ZC3H4: variants seen among roughly 807,000 people sequenced by gnomAD.
ZC3H4 encodes the protein zinc finger CCCH domain-containing protein 4.
In ZC3H4, 13 loss-of-function variants were observed where a neutral mutation model predicts 108.3. The ratio of observed to expected loss-of-function variants is 0.12; its 90% CI spans 0.08 to 0.19. ZC3H4 has a LOEUF of 0.19. Ranked by LOEUF, ZC3H4 falls within the 10% of genes least tolerant of loss-of-function variation. The pLI, the probability that ZC3H4 is intolerant of heterozygous loss-of-function variation, is 1.00. For missense variants in ZC3H4, 1,734 were observed against 1,838.8 expected, an observed-to-expected ratio of 0.94 and a Z score of 1.04; for synonymous variants, 917 against 749.6, an observed-to-expected ratio of 1.22 and a Z score of -3.65.
Position 47,067,607 on chromosome 19 carries a change from G to A in ZC3H4, c.2661C>T (p.Pro887=). 6 of 1,606,554 alleles carry A rather than the reference G, an allele frequency of 3.7e-6. No individual in the cohort carries two copies. Among genetic ancestry groups the A allele is most frequent in the South Asian group, 1.1e-5 (1 of 90,594 alleles). ...SGGSGPGDSG[P]SDPRLARALP... is the part of the protein sequence containing the mutation. The stretch of plus-strand genomic sequence containing the variant: ...GGGCGCGAGCCAGCCGAGGATCGGA[G>A]GGTCCCGAATCACCTGGGCCAGACC... The change falls in exon 15 of 15, where the codon CCC becomes CCT. Residue 887 remains proline (P), a synonymous_variant. Coordinates refer to ENST00000253048, the MANE Select transcript of ZC3H4 (RefSeq NM_015168.2). The surrounding 1 kb of genome is among the most constrained non-coding windows in gnomAD (Gnocchi z 6.4).
intron 2 of ZC3H4, among the ~76,000 whole-genome samples, chr19:47,110,271 A>G (rs1481293286): frequency 6.6e-6 from 1 of 152,194 alleles, no homozygotes; most frequent in East Asian, 1.9e-4. Flanking sequence ...AAATCCAGTA[A>G]GCTTGTCTCC....
rs779513159 is a variant in ZC3H4 at position 47,072,504 on chromosome 19, T to TGGGGGAGGGGGA, written c.1638_1649dup (p.Pro549_Pro552dup). 6.0e-6 allele frequency: 1 copy of TGGGGGAGGGGGA among 165,418 alleles called. No individual in the cohort carries two copies. The highest frequency in any genetic ancestry group is 4.0e-4 in the Admixed American group (1 of 2,496). The allele number at this position is 165,418 out of a possible 1,614,324, so 10.2% of individuals were successfully genotyped here. On this transcript the variant is annotated inframe_insertion, in exon 12 of 15. Coordinates refer to ENST00000253048, the MANE Select transcript of ZC3H4 (RefSeq NM_015168.2). This position sits in a 1 kb window ranked among gnomAD's most constrained non-coding sequence, Gnocchi z 5.6. ...TGGGCATCTGAGGGGGCCCGGGCGG[T>TGGGGGAGGGGGA]GGGGGAGGGGGAGGGGGCGGGGGCG...
intron 14 of ZC3H4, among the ~76,000 whole-genome samples, chr19:47,068,201 T>C (rs1164594073): frequency 2.0e-5 from 3 of 152,234 alleles, no homozygotes; most frequent in African/African-American, 4.8e-5. Flanking sequence ...TGCCGTTACA[T>C]TGGAGTCAGG....
At chr19:47,085,886 CAG>C (rs2057611766) in intron 6 of ZC3H4, among the ~76,000 whole-genome samples, 1 of 152,110 alleles carries the variant, frequency 6.6e-6, no homozygotes, top group African/African-American at 2.4e-5. Context: ...TTTTTTGAGA[CAG>C]AGTCTTGCTC....
rs936736794 is a variant in ZC3H4 at position 47,073,273 on chromosome 19, AAAAT to A, written c.1441-564_1441-561del. Among the ~76,000 whole-genome samples, 56 of 152,200 alleles carry A rather than the reference AAAAT, an allele frequency of 3.7e-4. 1 individual carries two copies. Among genetic ancestry groups the A allele is most frequent in the African/African-American group, 1.2e-3 (51 of 41,544 alleles). On this transcript the variant is annotated intron_variant, in intron 11 of 14. Coordinates refer to ENST00000253048, the MANE Select transcript of ZC3H4 (RefSeq NM_015168.2). ...GGACAACAGAGGAGACTCTGTCTCA[AAAAT>A]AAATAAATAATGCCAGACGTGGTGG...
intron 2 of ZC3H4, among the ~76,000 whole-genome samples, chr19:47,103,761 CTA>C (rs2057933425): frequency 1.7e-5 from 1 of 60,000 alleles, no homozygotes; most frequent in Non-Finnish European, 3.9e-5. Context: ...CCCGTCTCTA[CTA>C]AAAAAAAAAA....
intron 11 of ZC3H4, among the ~76,000 whole-genome samples, chr19:47,073,599 G>A (rs974775748): frequency 2.0e-5 from 3 of 152,122 alleles, no homozygotes; most frequent in African/African-American, 4.8e-5. Context: ...CAAAGTGAAC[G>A]ATGCAGTGGC....
intron 9 of ZC3H4, 41 bp downstream of exon 9, chr19:47,084,304 C>T: frequency 1.3e-6 from 2 of 1,581,078 alleles, no homozygotes; most frequent in Non-Finnish European, 1.7e-6. Flanking sequence ...CCTCTGGGGG[C>T]TATGGCCTCC....
chr19:47,090,636 C>T (rs1180029444), intron 4 of ZC3H4, among the ~76,000 whole-genome samples: 1 of 152,102 alleles, frequency 6.6e-6, no homozygotes, highest in Non-Finnish European at 1.5e-5. Flanking sequence ...TGTGGTAATG[C>T]CAAGTGGTAC....
chr19:47,068,941 G>T, intron 14 of ZC3H4, 151 bp downstream of exon 14: 1 of 1,491,794 alleles, frequency 6.7e-7, no homozygotes, highest in Non-Finnish European at 8.9e-7. Flanking sequence ...ACATGCAGCA[G>T]CCCCAGCCCG....
At chr19:47,102,235 G>A (rs954966024) in intron 2 of ZC3H4, among the ~76,000 whole-genome samples, 2 of 152,194 alleles carry the variant, frequency 1.3e-5, no homozygotes, top group Middle Eastern at 3.2e-3. Flanking sequence ...ACAGCAGGAA[G>A]AAGCAGAACT....
intron 4 of ZC3H4, among the ~76,000 whole-genome samples, chr19:47,090,754 G>C (rs138723468): frequency 6.6e-6 from 1 of 152,220 alleles, no homozygotes; most frequent in Non-Finnish European, 1.5e-5. Flanking sequence ...CGACGAATAT[G>C]TAACAATAAA....
chr19:47,069,359 A>G lies in ZC3H4; in HGVS notation c.2147-16T>C, dbSNP rs1222557380. 1 of 1,608,828 alleles carries G rather than the reference A, an allele frequency of 6.2e-7. No homozygotes were observed. Among genetic ancestry groups the G allele is most frequent in the Admixed American group, 1.7e-5 (1 of 59,236 alleles). On this transcript the variant is annotated splice_polypyrimidine_tract_variant and intron_variant, in intron 13 of 14. Coordinates refer to ENST00000253048, the MANE Select transcript of ZC3H4 (RefSeq NM_015168.2). Reference sequence around the variant, plus strand: ...CCGTAGTCCTCTGTGGCAGGGAAGAACCGAGGGTTCATGTCGGGAAGGGCC... The same window carrying G: ...CCGTAGTCCTCTGTGGCAGGGAAGAGCCGAGGGTTCATGTCGGGAAGGGCC...
At chr19:47,098,642 T>A (rs914781994) in intron 2 of ZC3H4, among the ~76,000 whole-genome samples, 1 of 151,252 alleles carries the variant, frequency 6.6e-6, no homozygotes, top group Non-Finnish European at 1.5e-5. Flanking sequence ...TGGGTGCCTG[T>A]AGCCCCAGCT....
intron 5 of ZC3H4, among the ~76,000 whole-genome samples, chr19:47,088,983 A>G (rs1350223014): frequency 9.2e-5 from 14 of 151,862 alleles, no homozygotes; most frequent in Non-Finnish European, 1.9e-4. Context: ...CGAGGTGGGC[A>G]GATCACGAGG....
intron 5 of ZC3H4, among the ~76,000 whole-genome samples, chr19:47,088,343 C>T (rs938004520): frequency 1.3e-5 from 2 of 151,632 alleles, no homozygotes; most frequent in Admixed American, 6.6e-5. Flanking sequence ...GTCGAGAGAT[C>T]GAGACCACCC....
intron 5 of ZC3H4, among the ~76,000 whole-genome samples, chr19:47,087,448 AG>A (rs1247584673): frequency 1.3e-5 from 2 of 151,778 alleles, no homozygotes; most frequent in East Asian, 3.9e-4. Flanking sequence ...AAAAAAAAAA[AG>A]AGTGGCCAGG....
chr19:47,094,696 G>T (rs372372684), intron 2 of ZC3H4, 88 bp from the exon 3 acceptor site: 5 of 1,391,828 alleles, frequency 3.6e-6, no homozygotes, highest in Non-Finnish European at 5.0e-6. Context: ...GACAGGAACC[G>T]AAGGCCTGAC....
chr19:47,075,617 CACAT>C (rs947481578), intron 11 of ZC3H4, among the ~76,000 whole-genome samples: 1 of 152,036 alleles, frequency 6.6e-6, no homozygotes, highest in East Asian at 1.9e-4. Context: ...TGCGCACACA[CACAT>C]ACACACACAC....
Sources: gnomAD v4.1 joint callset for allele counts (sites outside exome capture counted in the v4.1 genomes callset) on GRCh38, gnomAD v4.1.1 for gene constraint, Gnocchi (gnomAD v3.1) non-coding constraint, MANE v1.5 for transcripts, NCBI Gene and HGNC (gene_info 2026-07-23, HGNC 2026-07-21) for gene names.